ITSN2: variants seen among roughly 807,000 people sequenced by gnomAD.
The protein encoded by ITSN2 is intersectin 2.
Under a neutral mutation model 243.7 loss-of-function variants are expected in ITSN2, and 156 were observed. That is an observed-to-expected ratio of 0.64 (90% confidence interval 0.56 to 0.73). ITSN2 has a LOEUF of 0.73. Among genes scored for constraint, ITSN2 ranks in the 30% least tolerant of loss-of-function variants. ITSN2 has a pLI of 0.00. For missense variants in ITSN2, 1,801 were observed against 1,996.1 expected (o/e 0.90, Z 1.86); for synonymous variants, 703 against 699.9 (o/e 1.00, Z -0.07).
At chr2:24,248,026 G>C (rs999975516) in intron 27 of ITSN2, among the ~76,000 whole-genome samples, 4 of 152,076 alleles carry the variant, frequency 2.6e-5, no homozygotes, top group Non-Finnish European at 5.9e-5. Flanking sequence ...TAAAAATATA[G>C]CTATTATATC....
In ITSN2 at chr2:24,207,436, T is replaced by G. The variant is rs551562578; in HGVS notation, c.4678+801A>C. Among the ~76,000 whole-genome samples the G allele has an allele frequency of 2.6e-4, 40 of 152,022 alleles. No homozygotes were observed. In the East Asian group the frequency reaches 5.4e-3, roughly 21 times the overall value. On this transcript the variant is annotated intron_variant, in intron 37 of 39. Coordinates refer to ENST00000355123, the MANE Select transcript of ITSN2 (RefSeq NM_006277.3). ...TGGTCCCTTGGGAAAAGCCGATGTG[T>G]GATGTGGGAGCAGCGGGGCAGGTGG... is the stretch of plus-strand genomic sequence containing the variant.
chr2:24,223,942 G>T (rs563370923), intron 29 of ITSN2, among the ~76,000 whole-genome samples: 26 of 152,082 alleles, frequency 1.7e-4, no homozygotes, highest in Non-Finnish European at 3.2e-4. Context: ...GTTCAAAATT[G>T]TTACGCTTTT....
chr2:24,211,042 G>T lies in ITSN2; in HGVS notation c.4090-95C>A. 8.2e-7 allele frequency: 1 copy of T among 1,224,328 alleles called. No individual in the cohort carries two copies. The highest frequency in any genetic ancestry group is 1.2e-6 in the Non-Finnish European group (1 of 857,406). 75.8% of individuals were successfully genotyped at this position (1,224,328 alleles called of 1,614,324 possible). Reference sequence around the variant, plus strand: ...ACCGCTCCTCCAACCCCATGTTATGGACTGCTTCCATGCCCTGGAAACGCG... The same window carrying T: ...ACCGCTCCTCCAACCCCATGTTATGTACTGCTTCCATGCCCTGGAAACGCG... On this transcript the variant is annotated intron_variant, in intron 33 of 39. Coordinates refer to ENST00000355123, the MANE Select transcript of ITSN2 (RefSeq NM_006277.3). This position sits in a 1 kb window ranked among gnomAD's most constrained non-coding sequence, Gnocchi z 4.1.
chr2:24,361,297 C>T (rs1688999763), upstream of ITSN2, among the ~76,000 whole-genome samples: 1 of 152,154 alleles, frequency 6.6e-6, no homozygotes, highest in South Asian at 2.1e-4. Context: ...CCTCCCGGTT[C>T]CTGGTCTCCT....
intron 29 of ITSN2, among the ~76,000 whole-genome samples, chr2:24,231,896 G>A (rs931250234): frequency 2.0e-5 from 3 of 152,178 alleles, no homozygotes; most frequent in Non-Finnish European, 4.4e-5. Flanking sequence ...CAGTTATACT[G>A]TAGTTAAGCT....
At chr2:24,268,252 C>T (rs1353595011) in intron 20 of ITSN2, among the ~76,000 whole-genome samples, 3 of 152,202 alleles carry the variant, frequency 2.0e-5, no homozygotes, top group Non-Finnish European at 4.4e-5. Context: ...GTAACACCCT[C>T]ATCCATTAAG....
intron 2 of ITSN2, chr2:24,321,837 C>T (rs1373935004): frequency 2.0e-5 from 3 of 152,130 alleles, no homozygotes; most frequent in African/African-American, 7.2e-5. Context: ...TGACTATTGT[C>T]AGGGACTTTA....
At chr2:24,253,837 G>A (rs1674672473) in intron 24 of ITSN2, among the ~76,000 whole-genome samples, 1 of 152,136 alleles carries the variant, frequency 6.6e-6, no homozygotes, top group South Asian at 2.1e-4. Flanking sequence ...ATAAATGTAT[G>A]TAACTATTAA....
rs990477800 is a variant in ITSN2, at chr2:24,248,897, T to C, written c.3121-15A>G. ...CTCCCAAAACTCTACAAGGAAAAGATACCGTGTTGTTTTATTATTTCCAAC... is the reference window on the plus strand; with the variant it reads ...CTCCCAAAACTCTACAAGGAAAAGACACCGTGTTGTTTTATTATTTCCAAC... On this transcript the variant is annotated splice_polypyrimidine_tract_variant and intron_variant, in intron 25 of 39. Transcript: ENST00000355123. 6.2e-7 allele frequency: 1 copy of C among 1,611,932 alleles called. No homozygotes were observed. The highest frequency in any genetic ancestry group is 8.5e-7 in the Non-Finnish European group (1 of 1,178,232).
At position 24,205,267 on chromosome 2, in the gene ITSN2, C is replaced by T. The variant is rs1001034735; in HGVS notation, c.4709G>A (p.Arg1570His). 3.1e-5 allele frequency: 50 copies of T among 1,613,976 alleles called. No homozygotes were observed. The highest frequency in any genetic ancestry group is 1.7e-4 in the Middle Eastern group (1 of 6,060). ...ARSQKTSGIG[R>H]LMVHVIEATE... Reference sequence around the variant, plus strand: ...AGCTTCAATGACATGCACCATCAGGCGCCCAATGCCTGAAGTCTTTTGGGA... The same window carrying T: ...AGCTTCAATGACATGCACCATCAGGTGCCCAATGCCTGAAGTCTTTTGGGA... The change falls in exon 38 of 40, where the codon CGC becomes CAC. Residue 1570 changes from arginine (R) to histidine (H), a missense_variant. Arg to His is a conservative substitution (Grantham distance 29). Coordinates refer to ENST00000355123, the MANE Select transcript of ITSN2 (RefSeq NM_006277.3).
At chr2:24,230,250 T>C (rs548785647) in intron 29 of ITSN2, among the ~76,000 whole-genome samples, 2 of 152,304 alleles carry the variant, frequency 1.3e-5, no homozygotes, top group South Asian at 4.1e-4. Flanking sequence ...CTGATACTTC[T>C]CACACTTCAC....
rs140681076 is a variant in ITSN2, at chr2:24,309,320, G to A, written c.654-564C>T. ...CAATTCTCCTGCCTCAGCCTCTCAA[G>A]TAGCTGGGACTACAGTCACATGCCA... On this transcript the variant is annotated intron_variant, in intron 7 of 39. Coordinates refer to ENST00000355123, the MANE Select transcript of ITSN2 (RefSeq NM_006277.3). Among the ~76,000 whole-genome samples, 224 of 152,232 alleles carry A rather than the reference G, an allele frequency of 1.5e-3. 1 individual carries two copies. The highest frequency in any genetic ancestry group is 5.1e-3 in the African/African-American group (211 of 41,536).
intron 22 of ITSN2, 138 bp from the exon 23 acceptor site, chr2:24,258,231 A>G (rs1314041142): frequency 3.2e-6 from 2 of 632,064 alleles, no homozygotes; most frequent in Non-Finnish European, 5.5e-6. Flanking sequence ...TTAGTCTACT[A>G]ACTGACTTTA....
intron 20 of ITSN2, among the ~76,000 whole-genome samples, chr2:24,262,164 G>C (rs999226355): frequency 5.9e-5 from 9 of 151,856 alleles, no homozygotes; most frequent in African/African-American, 1.7e-4. Context: ...TTTGGCTATG[G>C]GAAATGAAGA....
chr2:24,309,345 A>G (rs560464005), intron 7 of ITSN2, among the ~76,000 whole-genome samples: 2 of 152,100 alleles, frequency 1.3e-5, no homozygotes, highest in Non-Finnish European at 2.9e-5. Flanking sequence ...GTCACATGCC[A>G]CCACGCCCGG....
chr2:24,208,505 C>T (rs1669145496), intron 36 of ITSN2, among the ~76,000 whole-genome samples, 186 bp from the exon 37 acceptor site: 1 of 152,330 alleles, frequency 6.6e-6, no homozygotes, highest in African/African-American at 2.4e-5. Context: ...CTGGTAGTGA[C>T]CCTTCTTGGC....
intron 17 of ITSN2, among the ~76,000 whole-genome samples, chr2:24,280,324 G>C (rs1247042235): frequency 1.3e-5 from 2 of 152,138 alleles, no homozygotes; most frequent in African/African-American, 4.8e-5. Flanking sequence ...ACCAGGACCA[G>C]TTCCATCTCA....
chr2:24,310,522 T>C lies in ITSN2; in HGVS notation c.523A>G (p.Ile175Val). The stretch of plus-strand genomic sequence containing the variant: ...GAATAAGGAATGGGTAAAGGCTGAA[T>C]GAGACTGGCGGTTCCATTTGGTAAT... ...SSLPNGTASL[I>V]QPLPIPYSSS... Residue 175 changes from isoleucine (I) to valine (V), a missense_variant, in exon 6 of 40, where the codon ATT becomes GTT. Physicochemically the swap from Ile to Val is conservative, Grantham distance 29. Transcript: ENST00000355123. The C allele has an allele frequency of 6.2e-7, 1 of 1,614,190 alleles. No homozygotes were observed. Among genetic ancestry groups the C allele is most frequent in the Non-Finnish European group, 8.5e-7 (1 of 1,180,032 alleles).
At chr2:24,212,512 C>T (rs924800632) in intron 33 of ITSN2, 138 bp downstream of exon 33, 2 of 624,940 alleles carry the variant, frequency 3.2e-6, no homozygotes, top group African/African-American at 3.8e-5. Flanking sequence ...GTCCCCGGGA[C>T]AGTGGGATCA....
Sources: gnomAD v4.1 joint callset for allele counts (sites outside exome capture counted in the v4.1 genomes callset) on GRCh38, gnomAD v4.1.1 for gene constraint, Gnocchi (gnomAD v3.1) non-coding constraint, MANE v1.5 for transcripts, NCBI Gene and HGNC (gene_info 2026-07-23, HGNC 2026-07-21) for gene names.